The following ZGRF1 variants were observed in gnomAD, a reference collection of about 807,000 sequenced individuals.
ZGRF1 encodes zinc finger GRF-type containing 1.
A neutral mutation model predicts 203.5 loss-of-function variants in ZGRF1; 196 were observed. The ratio of observed to expected loss-of-function variants is 0.96; its 90% CI spans 0.86 to 1.08. The LOEUF is 1.08. Ranked by LOEUF, ZGRF1 falls within the 50% of genes least tolerant of loss-of-function variation. The pLI is 0.00. For synonymous variants in ZGRF1, 809 were observed against 841.3 expected (o/e 0.96, Z 0.66); for missense variants, 2,326 against 2,416.3 (o/e 0.96, Z 0.78).
chr4:112,594,364 T>A (rs1379412681), intron 10 of ZGRF1, among the ~76,000 whole-genome samples: 1 of 152,222 alleles, frequency 6.6e-6, no homozygotes, highest in African/African-American at 2.4e-5. Context: ...AAATATCATT[T>A]GTTACTACTG....
intron 3 of ZGRF1, among the ~76,000 whole-genome samples, chr4:112,629,231 C>T (rs1214534282): frequency 2.0e-5 from 3 of 152,114 alleles, no homozygotes; most frequent in Non-Finnish European, 2.9e-5. Flanking sequence ...TTTTACTCAA[C>T]GTGAAAGTAC....
chr4:112,539,637 A>C lies in ZGRF1; in HGVS notation c.6225T>G (p.His2075Gln). 1 of 1,605,020 alleles carries C rather than the reference A, an allele frequency of 6.2e-7. No individual in the cohort carries two copies. The highest frequency in any genetic ancestry group is 1.1e-5 in the South Asian group (1 of 89,092). ...HANQYEPQLN[H>Q]LLKDYFEKQV... Reference sequence around the variant, plus strand: ...GTTTTTCAAAATAATCTTTAAGGAGATGGTTCAGCTGTGGTTCATACTGGT... The same window carrying C: ...GTTTTTCAAAATAATCTTTAAGGAGCTGGTTCAGCTGTGGTTCATACTGGT... Residue 2075 changes from histidine to glutamine, a missense_variant, in exon 28 of 28, where the codon CAT (histidine) becomes CAG (glutamine). Physicochemically the swap from His to Gln is conservative, Grantham distance 24. Transcript: ENST00000505019.
At position 112,614,814 on chromosome 4, in the gene ZGRF1, G is replaced by A. The variant is rs147531174; in HGVS notation, c.2603-2226C>T. Among the ~76,000 whole-genome samples the A allele has an allele frequency of 2.7e-3, 414 of 150,850 alleles. 1 individual carries two copies. The highest frequency in any genetic ancestry group is 4.0e-3 in the Non-Finnish European group (275 of 67,928). Reference sequence around the variant, plus strand: ...TGCACTCCAGCCTGGGCAACAGAGCGAGACTCTGTGTCAAAAAAAAAAAAG... The same window carrying A: ...TGCACTCCAGCCTGGGCAACAGAGCAAGACTCTGTGTCAAAAAAAAAAAAG... On this transcript the variant is annotated intron_variant, in intron 6 of 27. Coordinates refer to ENST00000505019, the MANE Select transcript of ZGRF1 (RefSeq NM_018392.5).
In ZGRF1 at chr4:112,635,120, A is replaced by G. The variant is rs950756304; in HGVS notation, c.-67+1731T>C. Among the ~76,000 whole-genome samples the G allele has an allele frequency of 2.9e-4, 40 of 136,966 alleles. 1 individual carries two copies. Among genetic ancestry groups the G allele is most frequent in the Admixed American group, 2.8e-3 (35 of 12,346 alleles). The allele number at this position is 136,966 out of a possible 152,430, so 89.9% of individuals were successfully genotyped here. On this transcript the variant is annotated intron_variant, in intron 1 of 27. Transcript: ENST00000505019. ...ACTCCAGCCTGGGCGACAGAGCGAG[A>G]CTCCATCTCAAAAAAAAAAAAAAAA... is the stretch of plus-strand genomic sequence containing the variant.
At position 112,587,819 on chromosome 4, in the gene ZGRF1, A is replaced by G. The variant is rs557967767; in HGVS notation, c.3238T>C (p.Leu1080=). 1.9e-5 allele frequency: 30 copies of G among 1,551,834 alleles called. No individual in the cohort carries two copies. The East Asian group carries it at 6.6e-4, about 34-fold the overall frequency. ...TLPRTDGPPD[L]DSHSYMINSN... ...TTGATCATATACGAATGAGAGTCTA[A>G]GTCAGGTGGCCCATCAGTACGTGGC... Residue 1080 remains leucine (L), a synonymous_variant, in exon 12 of 28, where the codon TTA becomes CTA. Transcript: ENST00000505019.
intron 6 of ZGRF1, among the ~76,000 whole-genome samples, chr4:112,612,790 T>C (rs2046733262): frequency 6.6e-6 from 1 of 152,174 alleles, no homozygotes; most frequent in African/African-American, 2.4e-5. Flanking sequence ...ATGATAAAAA[T>C]TTTAAAATAT....
At chr4:112,619,721 C>T in intron 5 of ZGRF1, 31 bp from the exon 6 acceptor site, 7 of 1,452,842 alleles carry the variant, frequency 4.8e-6, no homozygotes, top group African/African-American at 1.4e-5. Flanking sequence ...GTTAGGTGTA[C>T]CATTACCCAT....
intron 3 of ZGRF1, among the ~76,000 whole-genome samples, chr4:112,624,438 C>G (rs1578483561): frequency 6.7e-6 from 1 of 150,146 alleles, no homozygotes; most frequent in Non-Finnish European, 1.5e-5. Flanking sequence ...GCCTAGGCAA[C>G]AGAGTGAGAC....
chr4:112,548,987 G>A lies in ZGRF1; in HGVS notation c.5347-607C>T, dbSNP rs1739383847. Among the ~76,000 whole-genome samples, 2 of 75,746 alleles carry A rather than the reference G, an allele frequency of 2.6e-5. 1 individual carries two copies. Among genetic ancestry groups the A allele is most frequent in the Admixed American group, 3.6e-4 (2 of 5,518 alleles). 49.7% of individuals were successfully genotyped at this position (75,746 alleles called of 152,430 possible). On this transcript the variant is annotated intron_variant, in intron 22 of 27. Coordinates refer to ENST00000505019, the MANE Select transcript of ZGRF1 (RefSeq NM_018392.5). ...AAATTAGCCGGGCGTAGTGGCGGGC[G>A]CCTGTAGTCCCAGCTACTTGGGAGG... is the stretch of plus-strand genomic sequence containing the variant.
At position 112,584,071 on chromosome 4, in the gene ZGRF1, C is replaced by T. The variant is rs904690069; in HGVS notation, c.4205G>A (p.Arg1402Gln). ...TPGYSTQEGA[R>Q]PGMVLSDIKS... Reference sequence around the variant, plus strand: ...AATATCACTTAAAACCATGCCAGGTCGAGCTCCTTCCTGTGTTGAATATCC... The same window carrying T: ...AATATCACTTAAAACCATGCCAGGTTGAGCTCCTTCCTGTGTTGAATATCC... The change falls in exon 15 of 28, where the codon CGA becomes CAA. Residue 1402 changes from arginine to glutamine, a missense_variant. Arg to Gln is a conservative substitution (Grantham distance 43). Transcript: ENST00000505019. 3.7e-6 allele frequency: 6 copies of T among 1,613,318 alleles called. No individual in the cohort carries two copies. The African/African-American group carries it at 5.3e-5, about 14-fold the overall frequency.
chr4:112,611,384 AAG>A (rs1008616560), intron 7 of ZGRF1, among the ~76,000 whole-genome samples: 3 of 152,010 alleles, frequency 2.0e-5, no homozygotes, highest in Non-Finnish European at 2.9e-5. Flanking sequence ...GCCTGGGCGA[AAG>A]AGAGAGACTC....
rs1388968417 is a variant in ZGRF1 at position 112,574,605 on chromosome 4, T to C, written c.4438+7058A>G. 3.3e-5 allele frequency among the ~76,000 whole-genome samples: 5 copies of C among 152,208 alleles called. No individual in the cohort carries two copies. The East Asian group carries it at 9.6e-4, about 29-fold the overall frequency. On this transcript the variant is annotated intron_variant, in intron 16 of 27. Transcript: ENST00000505019. ...GGTTTGTGGGCTCACAGATGCTTAT[T>C]GTATTATTTTAAGTAAGTTACTAAT...
chr4:112,568,576 G>A (rs1316736871), intron 16 of ZGRF1, among the ~76,000 whole-genome samples: 2 of 151,814 alleles, frequency 1.3e-5, no homozygotes, highest in Non-Finnish European at 2.9e-5. Flanking sequence ...GCCAGGCATA[G>A]TGGTGGACAC....
chr4:112,581,920 A>G (rs1193904447), intron 15 of ZGRF1, 118 bp from the exon 16 acceptor site: 1 of 444,624 alleles, frequency 2.2e-6, no homozygotes, highest in Non-Finnish European at 3.9e-6. Flanking sequence ...AGTTTCATAC[A>G]TGTATACAAA....
chr4:112,561,909 C>CTA (rs1471200201), intron 18 of ZGRF1, among the ~76,000 whole-genome samples: 2 of 112,204 alleles, frequency 1.8e-5, no homozygotes, highest in South Asian at 3.5e-4. Flanking sequence ...AATTCCTTTT[C>CTA]TCTTTTTTTT....
intron 7 of ZGRF1, chr4:112,611,036 G>GA (rs750165141): frequency 9.2e-4 from 169 of 183,740 alleles, no homozygotes; most frequent in South Asian, 3.7e-3. Context: ...TTAGAAAAAA[G>GA]AAAAAAAAAT....
intron 1 of ZGRF1, among the ~76,000 whole-genome samples, chr4:112,636,228 CTGTGA>C (rs1560902435): frequency 6.6e-6 from 1 of 152,162 alleles, no homozygotes; most frequent in East Asian, 1.9e-4. Flanking sequence ...CCCAGATGCT[CTGTGA>C]TAATTATATA....
intron 10 of ZGRF1, 29 bp from the exon 11 acceptor site, chr4:112,589,903 G>A: frequency 6.6e-7 from 1 of 1,506,902 alleles, no homozygotes; most frequent in Non-Finnish European, 8.9e-7. Flanking sequence ...CAAAACTACA[G>A]ACCAAAATCT....
chr4:112,626,794 A>G (rs181678066), intron 3 of ZGRF1, among the ~76,000 whole-genome samples: 2 of 151,946 alleles, frequency 1.3e-5, no homozygotes, highest in Admixed American at 1.3e-4. Flanking sequence ...AAATTTATTT[A>G]TTTATTTATT....
Sources: gnomAD v4.1 joint callset for allele counts (sites outside exome capture counted in the v4.1 genomes callset) on GRCh38, gnomAD v4.1.1 for gene constraint, MANE v1.5 for transcripts, NCBI Gene and HGNC (gene_info 2026-07-23, HGNC 2026-07-21) for gene names.